Variants in CELF4 observed in about 807,000 individuals in gnomAD.
The protein encoded by CELF4 is CUGBP Elav-like family member 4.
CELF4 carries 18 observed loss-of-function variants against 59.9 expected under a neutral mutation model. The ratio of observed to expected loss-of-function variants is 0.30; its 90% confidence interval spans 0.21 to 0.45. The LOEUF (loss-of-function observed/expected upper bound fraction) is 0.45, where lower values mean the gene tolerates loss of function less well. CELF4 is among the 20% of genes least tolerant of loss of function. CELF4 has a pLI of 1.00. For missense variants in CELF4, 456 were observed against 689.0 expected, an observed-to-expected ratio of 0.66 and a Z score of 3.79; for synonymous variants, 261 against 267.1, an observed-to-expected ratio of 0.98 and a Z score of 0.22.
At chr18:37,311,065 C>T (rs1215982115) in intron 3 of CELF4, among the ~76,000 whole-genome samples, 1 of 151,792 alleles carries the variant, frequency 6.6e-6, no homozygotes, top group Non-Finnish European at 1.5e-5. Context: ...TCCCATTTCC[C>T]CTGAAACAAT....
At chr18:37,271,192 A>T (rs2091054993) in intron 7 of CELF4, among the ~76,000 whole-genome samples, 1 of 151,090 alleles carries the variant, frequency 6.6e-6, no homozygotes, top group Non-Finnish European at 1.5e-5. Flanking sequence ...GCTTGTCCTT[A>T]GACAGCACAT....
chr18:37,326,705 C>T (rs765162996), intron 2 of CELF4, among the ~76,000 whole-genome samples: 6 of 152,130 alleles, frequency 3.9e-5, no homozygotes, highest in African/African-American at 7.2e-5. Context: ...TCCAGCCGGG[C>T]GCCCCTCTTA....
chr18:37,279,257 G>T (rs1467429508), intron 3 of CELF4, among the ~76,000 whole-genome samples: 1 of 152,226 alleles, frequency 6.6e-6, no homozygotes, highest in Non-Finnish European at 1.5e-5. Context: ...GGGCCAAGGT[G>T]TTGAGGCAAG....
intron 1 of CELF4, among the ~76,000 whole-genome samples, chr18:37,486,968 C>T (rs1355484341): frequency 1.3e-5 from 2 of 152,240 alleles, no homozygotes; most frequent in Non-Finnish European, 2.9e-5. Context: ...AGCCAGTCTC[C>T]ACAGCCAGCC....
At chr18:37,268,355 C>T (rs1443375531) in intron 8 of CELF4, among the ~76,000 whole-genome samples, 1 of 152,196 alleles carries the variant, frequency 6.6e-6, no homozygotes, top group African/African-American at 2.4e-5. Context: ...CTGCCCCTAT[C>T]CTCTGCCAGC....
intron 2 of CELF4, among the ~76,000 whole-genome samples, chr18:37,381,330 G>GTAC (rs1166260929): frequency 6.6e-6 from 1 of 152,176 alleles, no homozygotes; most frequent in Non-Finnish European, 1.5e-5. Context: ...CCTGTAGGAG[G>GTAC]TACTCTCTAA....
chr18:37,540,183 C>G (rs916366217), intron 1 of CELF4, among the ~76,000 whole-genome samples: 2 of 152,118 alleles, frequency 1.3e-5, no homozygotes, highest in Non-Finnish European at 2.9e-5. Flanking sequence ...GGGGTGGGGA[C>G]CCAAGTGCCT....
At chr18:37,271,673 G>A (rs2091357448) in intron 7 of CELF4, among the ~76,000 whole-genome samples, 1 of 152,202 alleles carries the variant, frequency 6.6e-6, no homozygotes, top group African/African-American at 2.4e-5. Context: ...CTGCTCAGAT[G>A]GAGTAGGTCT....
intron 2 of CELF4, among the ~76,000 whole-genome samples, chr18:37,364,934 G>C (rs2098756493): frequency 6.6e-6 from 1 of 152,168 alleles, no homozygotes; most frequent in South Asian, 2.1e-4. Context: ...GGAGGTAGGA[G>C]AGACGGAAGG....
At chr18:37,278,163 G>A (rs1569499424) in intron 3 of CELF4, among the ~76,000 whole-genome samples, 3 of 151,634 alleles carry the variant, frequency 2.0e-5, no homozygotes, top group Admixed American at 2.0e-4. Flanking sequence ...TCTCAGTTAA[G>A]CGCCTCCTTC....
At chr18:37,422,143 A>G (rs984760158) in intron 2 of CELF4, among the ~76,000 whole-genome samples, 1 of 152,302 alleles carries the variant, frequency 6.6e-6, no homozygotes, top group East Asian at 1.9e-4. Context: ...GACTTCTCCC[A>G]GGAGATCACA....
chr18:37,476,843 G>A (rs1430887349), intron 2 of CELF4, among the ~76,000 whole-genome samples: 2 of 147,100 alleles, frequency 1.4e-5, no homozygotes, highest in African/African-American at 5.0e-5. Flanking sequence ...TCTCGCTCCG[G>A]TGGACACACA....
chr18:37,512,053 C>T (rs911724170), intron 1 of CELF4, among the ~76,000 whole-genome samples: 1 of 152,200 alleles, frequency 6.6e-6, no homozygotes, highest in Non-Finnish European at 1.5e-5. Context: ...AGAGTAATTG[C>T]TGTTTCCTTG....
chr18:37,265,404 C>CA lies in CELF4; in HGVS notation c.1166-648dup, dbSNP rs1275565876. Among the ~76,000 whole-genome samples, 15 of 152,270 alleles carry CA rather than the reference C, an allele frequency of 9.9e-5. No individual in the cohort carries two copies. In the East Asian group the frequency reaches 2.9e-3, roughly 29 times the overall value. Reference sequence around the variant, plus strand: ...ATTAAAAACACCAAAATGGCCTGGACAAGATCACCCCACACCACCTGGAAT... The same window carrying CA: ...ATTAAAAACACCAAAATGGCCTGGACAAAGATCACCCCACACCACCTGGAAT... On this transcript the variant is annotated intron_variant, in intron 9 of 12. Coordinates refer to ENST00000420428, the MANE Select transcript of CELF4 (RefSeq NM_020180.4).
At chr18:37,336,237 T>C (rs1451292001) in intron 2 of CELF4, among the ~76,000 whole-genome samples, 2 of 152,192 alleles carry the variant, frequency 1.3e-5, no homozygotes. Context: ...TCCTTTTCTC[T>C]ATCCTGTGTA....
At chr18:37,560,224 T>C (rs2099986129) in intron 1 of CELF4, among the ~76,000 whole-genome samples, 1 of 152,238 alleles carries the variant, frequency 6.6e-6, no homozygotes, top group Non-Finnish European at 1.5e-5. Context: ...ATGTGCTTAG[T>C]CATGCTTGCA....
chr18:37,350,072 G>A (rs997745721), intron 2 of CELF4, among the ~76,000 whole-genome samples: 8 of 152,154 alleles, frequency 5.3e-5, no homozygotes, highest in African/African-American at 1.9e-4. Context: ...CAATTTGGGA[G>A]AGGGACATGC....
At chr18:37,285,294 C>T (rs2094621944) in intron 3 of CELF4, among the ~76,000 whole-genome samples, 3 of 152,190 alleles carry the variant, frequency 2.0e-5, no homozygotes, top group Non-Finnish European at 1.5e-5. Context: ...TGGCCTTCCC[C>T]TCCCTTGAAT....
intron 2 of CELF4, among the ~76,000 whole-genome samples, chr18:37,438,025 T>C (rs952809214): frequency 6.6e-6 from 1 of 152,214 alleles, no homozygotes; most frequent in Non-Finnish European, 1.5e-5. Context: ...TGAAAGGACA[T>C]AGCAAGAAGG....
Sources: allele counts gnomAD v4.1 joint callset (sites outside exome capture counted in the v4.1 genomes callset), GRCh38; gene constraint gnomAD v4.1.1; transcripts MANE v1.5; gene names NCBI Gene and HGNC (gene_info 2026-07-23, HGNC 2026-07-21).